The following PCDHGA7 variants were observed in gnomAD, a reference collection of about 807,000 sequenced individuals.
PCDHGA7 encodes protocadherin gamma-A7.
Under a neutral mutation model 58.3 loss-of-function variants are expected in PCDHGA7, and 44 were observed. The ratio of observed to expected loss-of-function variants is 0.75; its 90% CI spans 0.59 to 0.97. PCDHGA7 has a LOEUF of 0.97. PCDHGA7 is among the 50% of genes least tolerant of loss of function. The pLI is 0.00. For synonymous variants in PCDHGA7, 516 were observed against 504.2 expected (o/e 1.02, Z -0.31); for missense variants, 1,266 against 1,188.7 (o/e 1.06, Z -0.96).
In PCDHGA7 at chr5:141,384,922, C is replaced by G; in HGVS notation, c.2023C>G (p.Leu675Val). 1 of 1,614,018 alleles carries G rather than the reference C, an allele frequency of 6.2e-7. No individual in the cohort carries two copies. The highest frequency in any genetic ancestry group is 8.5e-7 in the Non-Finnish European group (1 of 1,180,028). ...ADSIPEVLAD[L>V]GSLEPSDGPY... Reference sequence around the variant, plus strand: ...CAGCATCCCCGAAGTCTTGGCCGACCTGGGCAGCCTTGAGCCCTCCGACGG... The same window carrying G: ...CAGCATCCCCGAAGTCTTGGCCGACGTGGGCAGCCTTGAGCCCTCCGACGG... Residue 675 changes from leucine to valine, a missense_variant, in exon 1 of 4, where the codon CTG becomes GTG. By Grantham distance (32) the Leu-to-Val change is conservative (BLOSUM62 1). Coordinates refer to ENST00000518325, the MANE Select transcript of PCDHGA7 (RefSeq NM_018920.4).
chr5:141,421,487 C>G (rs1447180364), intron 1 of PCDHGA7: 2 of 1,614,094 alleles, frequency 1.2e-6, no homozygotes, highest in Non-Finnish European at 1.7e-6. Context: ...AGCTTGATCA[C>G]GGCAGGCAGG....
intron 1 of PCDHGA7, chr5:141,385,652 G>T: frequency 1.5e-6 from 1 of 651,480 alleles, no homozygotes; most frequent in South Asian, 5.5e-5. Context: ...ATTGCACAAG[G>T]TTAGCAGGAA....
At chr5:141,390,114 G>A in intron 1 of PCDHGA7, 1 of 1,614,048 alleles carries the variant, frequency 6.2e-7, no homozygotes, top group African/African-American at 1.3e-5. Flanking sequence ...CTACAGCGAG[G>A]GGACTTTGCC....
chr5:141,447,064 C>T (rs1453083716), intron 1 of PCDHGA7, among the ~76,000 whole-genome samples: 1 of 152,064 alleles, frequency 6.6e-6, no homozygotes, highest in Non-Finnish European at 1.5e-5. Context: ...ATGTGTCAGG[C>T]TGTTTTAATT....
Position 141,491,886 on chromosome 5 carries a change from G to A in PCDHGA7, c.2425-2921G>A. On this transcript the variant is annotated intron_variant, in intron 1 of 3. Coordinates refer to ENST00000518325, the MANE Select transcript of PCDHGA7 (RefSeq NM_018920.4). The surrounding 1 kb of genome is among the most constrained non-coding windows in gnomAD (Gnocchi z 6.9). ...CCAGAGTGGCCGATTAAGGGATGGG[G>A]CTCCGAGCACCGGGGGTGGTGGCGA... 6.9e-7 allele frequency: 1 copy of A among 1,445,558 alleles called. No individual in the cohort carries two copies. Among genetic ancestry groups the A allele is most frequent in the Non-Finnish European group, 9.1e-7 (1 of 1,093,458 alleles). 89.5% of individuals were successfully genotyped at this position (1,445,558 alleles called of 1,614,324 possible). A position where few individuals can be genotyped will look rare whatever the true frequency, so the allele number is the denominator to read the frequency against.
chr5:141,487,351 T>A lies in PCDHGA7; in HGVS notation c.2425-7456T>A. 6.2e-7 allele frequency: 1 copy of A among 1,614,210 alleles called. No individual in the cohort carries two copies. The highest frequency in any genetic ancestry group is 8.5e-7 in the Non-Finnish European group (1 of 1,180,038). On this transcript the variant is annotated intron_variant, in intron 1 of 3. Transcript: ENST00000518325. The surrounding 1 kb of genome is among the most constrained non-coding windows in gnomAD (Gnocchi z 5.0). ...GGGCAGCCTGTGGAGTCACATGCTT[T>A]CCTGCTGGCACCTGTGCCTGTCTCA...
In PCDHGA7 at chr5:141,491,907, G is replaced by A; in HGVS notation, c.2425-2900G>A. 5 of 1,408,726 alleles carry A rather than the reference G, an allele frequency of 3.5e-6. No homozygotes were observed. In the South Asian group the frequency reaches 7.5e-5, roughly 21 times the overall value. The allele number at this position is 1,408,726 out of a possible 1,614,324, so 87.3% of individuals were successfully genotyped here. A position where few individuals can be genotyped will look rare whatever the true frequency, so the allele number is the denominator to read the frequency against. ...TGGGGCTCCGAGCACCGGGGGTGGTGGCGACTGTGGGCGAGGGGAGGTGGG... is the reference window on the plus strand; with the variant it reads ...TGGGGCTCCGAGCACCGGGGGTGGTAGCGACTGTGGGCGAGGGGAGGTGGG... On this transcript the variant is annotated intron_variant, in intron 1 of 3. Coordinates refer to ENST00000518325, the MANE Select transcript of PCDHGA7 (RefSeq NM_018920.4). This position sits in a 1 kb window ranked among gnomAD's most constrained non-coding sequence, Gnocchi z 6.9.
Position 141,383,265 on chromosome 5 carries a change from A to AAT in PCDHGA7, c.368_369dup (p.Ile124Ter). ...TGAATCTTTACCCTATAGACGTGGA[A>AAT]ATAATAGATATTAATGACAACGTTC... On this transcript the variant is annotated frameshift_variant, in exon 1 of 4. Transcript: ENST00000518325. LOFTEE classifies it high-confidence loss of function. The AAT allele has an allele frequency of 6.2e-7, 1 of 1,613,948 alleles. No individual in the cohort carries two copies. Among genetic ancestry groups the AAT allele is most frequent in the African/African-American group, 1.3e-5 (1 of 75,072 alleles).
At chr5:141,393,304 T>G (rs1317637425) in intron 1 of PCDHGA7, 3 of 1,613,680 alleles carry the variant, frequency 1.9e-6, no homozygotes, top group Admixed American at 1.7e-5. Context: ...GATGTGGGCG[T>G]GAACTCCCTC....
rs147522770 is a variant in PCDHGA7, at chr5:141,504,573, C to T, written c.2484-820C>T. On this transcript the variant is annotated intron_variant, in intron 2 of 3. Coordinates refer to ENST00000518325, the MANE Select transcript of PCDHGA7 (RefSeq NM_018920.4). ...TGGGGGACTGGCATTCTAGGGAACA[C>T]CATCTGCCCAGGATTCACAGCAAGA... Among the ~76,000 whole-genome samples the T allele has an allele frequency of 5.4e-5, 8 of 148,158 alleles. No individual in the cohort carries two copies. In the East Asian group the frequency reaches 1.6e-3, roughly 30 times the overall value.
At chr5:141,390,064 C>A in intron 1 of PCDHGA7, 3 of 1,614,058 alleles carry the variant, frequency 1.9e-6, no homozygotes, top group Middle Eastern at 3.3e-4. Context: ...TGCTTCCAGC[C>A]TGGTCTCTGT....
chr5:141,431,476 A>G lies in PCDHGA7; in HGVS notation c.2424+46153A>G, dbSNP rs975772031. 1.9e-6 allele frequency: 3 copies of G among 1,613,864 alleles called. No homozygotes were observed. Among genetic ancestry groups the G allele is most frequent in the Admixed American group, 3.3e-5 (2 of 60,032 alleles). ...TGGTTCTGGATGCGAACGACAACGC[A>G]CCAGCGTTTGCTCAGCCCGAGTACC... On this transcript the variant is annotated intron_variant, in intron 1 of 3. Coordinates refer to ENST00000518325, the MANE Select transcript of PCDHGA7 (RefSeq NM_018920.4). This position sits in a 1 kb window ranked among gnomAD's most constrained non-coding sequence, Gnocchi z 4.8.
chr5:141,489,284 T>A lies in PCDHGA7; in HGVS notation c.2425-5523T>A. On this transcript the variant is annotated intron_variant, in intron 1 of 3. Transcript: ENST00000518325. This position sits in a 1 kb window ranked among gnomAD's most constrained non-coding sequence, Gnocchi z 4.5. ...CCACAGCTCGCTGGGAAATGGCAAG[T>A]GCTGTGCATGTTGTCCTTGTGCTGC... The A allele has an allele frequency of 6.4e-7, 1 of 1,570,016 alleles. No homozygotes were observed. The highest frequency in any genetic ancestry group is 2.2e-5 in the East Asian group (1 of 44,588).
chr5:141,485,067 C>G lies in PCDHGA7; in HGVS notation c.2425-9740C>G, dbSNP rs944494894. On this transcript the variant is annotated intron_variant, in intron 1 of 3. Transcript: ENST00000518325. This position sits in a 1 kb window ranked among gnomAD's most constrained non-coding sequence, Gnocchi z 5.7. Reference sequence around the variant, plus strand: ...CGGCGCCGGCCGAACCGCGCCAGAGCTGGCGCGGGGAAAGGGAGATAGGTG... The same window carrying G: ...CGGCGCCGGCCGAACCGCGCCAGAGGTGGCGCGGGGAAAGGGAGATAGGTG... 21 of 894,418 alleles carry G rather than the reference C, an allele frequency of 2.3e-5. No individual in the cohort carries two copies. The highest frequency in any genetic ancestry group is 1.8e-4 in the Admixed American group (8 of 43,320). 55.4% of individuals were successfully genotyped at this position (894,418 alleles called of 1,614,324 possible). A position where few individuals can be genotyped will look rare whatever the true frequency, so the allele number is the denominator to read the frequency against.
rs188373658 is a variant in PCDHGA7 at position 141,492,228 on chromosome 5, C to T, written c.2425-2579C>T. ...TGCGCGCGGGGCTCATGCGTGTCCT[C>T]CCTGCTGGCCACCCCCACGGCCCAC... On this transcript the variant is annotated intron_variant, in intron 1 of 3. Coordinates refer to ENST00000518325, the MANE Select transcript of PCDHGA7 (RefSeq NM_018920.4). Among the ~76,000 whole-genome samples the T allele has an allele frequency of 5.3e-5, 8 of 152,292 alleles. No individual in the cohort carries two copies. In the East Asian group the frequency reaches 1.2e-3, roughly 22 times the overall value.
At chr5:141,503,598 C>CAAA (rs765754054) in intron 2 of PCDHGA7, among the ~76,000 whole-genome samples, 1 of 65,748 alleles carries the variant, frequency 1.5e-5, no homozygotes. Context: ...GACTCCAGCT[C>CAAA]AAAAAAAAAA....
At chr5:141,408,901 G>T (rs529239605) in intron 1 of PCDHGA7, 2 of 1,613,100 alleles carry the variant, frequency 1.2e-6, no homozygotes, top group African/African-American at 2.7e-5. Flanking sequence ...TTTCTGTCAA[G>T]GATACCAATG....
intron 1 of PCDHGA7, chr5:141,410,094 C>G: frequency 6.2e-7 from 1 of 1,612,646 alleles, no homozygotes; most frequent in Non-Finnish European, 8.5e-7. Context: ...ACGGCTCGAG[C>G]CTTAGGCGAC....
At chr5:141,403,196 G>A (rs762413220) in intron 1 of PCDHGA7, 6 of 1,613,986 alleles carry the variant, frequency 3.7e-6, no homozygotes, top group East Asian at 4.5e-5. Flanking sequence ...CCCGCGCAGC[G>A]GCACCTTGGT....
Sources: gnomAD v4.1 joint callset for allele counts (sites outside exome capture counted in the v4.1 genomes callset) on GRCh38, gnomAD v4.1.1 for gene constraint, Gnocchi (gnomAD v3.1) non-coding constraint, MANE v1.5 for transcripts, NCBI Gene and HGNC (gene_info 2026-07-23, HGNC 2026-07-21) for gene names.